KANSL1L: variants seen among roughly 807,000 people sequenced by gnomAD.
KANSL1L encodes the protein KAT8 regulatory NSL complex subunit 1 like.
In KANSL1L, 25 loss-of-function variants were observed where a neutral mutation model predicts 108.6. The ratio of observed to expected loss-of-function variants is 0.23; its 90% CI spans 0.17 to 0.32. The LOEUF is 0.32. KANSL1L is among the 10% of genes least tolerant of loss of function. KANSL1L has a pLI of 1.00. For synonymous variants in KANSL1L, 405 were observed against 395.1 expected, an observed-to-expected ratio of 1.03 and a Z score of -0.30; for missense variants, 1,137 against 1,125.7, an observed-to-expected ratio of 1.01 and a Z score of -0.14.
chr2:210,160,395 C>G (rs1256600932), intron 1 of KANSL1L, among the ~76,000 whole-genome samples: 1 of 152,076 alleles, frequency 6.6e-6, no homozygotes, highest in African/African-American at 2.4e-5. Context: ...GTAAGTAAAA[C>G]TGTCTCTATT....
rs2094628001 is a variant in KANSL1L, at chr2:210,085,429, CT to C, written c.1551-9674del. Among the ~76,000 whole-genome samples the C allele has an allele frequency of 1.3e-5, 2 of 152,012 alleles. 1 individual carries two copies. The highest frequency in any genetic ancestry group is 1.3e-4 in the Admixed American group (2 of 15,252). ...CTCTGGCTCTTAACTTAAAGTGGGACTTTTTAACACATAAAGGCAAAGAGAC... is the reference window on the plus strand; with the variant it reads ...CTCTGGCTCTTAACTTAAAGTGGGACTTTTAACACATAAAGGCAAAGAGAC... On this transcript the variant is annotated intron_variant, in intron 5 of 14. Coordinates refer to ENST00000281772, the MANE Select transcript of KANSL1L (RefSeq NM_152519.4).
intron 7 of KANSL1L, among the ~76,000 whole-genome samples, chr2:210,042,796 A>G (rs1415824182): frequency 6.6e-6 from 1 of 152,180 alleles, no homozygotes; most frequent in Non-Finnish European, 1.5e-5. Context: ...AGTTCTTGTT[A>G]AAAACTTAAA....
intron 2 of KANSL1L, among the ~76,000 whole-genome samples, chr2:210,144,309 A>C (rs1450972318): frequency 6.6e-6 from 1 of 152,170 alleles, no homozygotes; most frequent in African/African-American, 2.4e-5. Flanking sequence ...TGGTTTGAAA[A>C]TGACTGGAGA....
At chr2:210,167,348 A>AAAAGGAATTCTCTTTGAAGACT (rs1489443793) in intron 1 of KANSL1L, among the ~76,000 whole-genome samples, 1 of 151,988 alleles carries the variant, frequency 6.6e-6, no homozygotes, top group Non-Finnish European at 1.5e-5. Context: ...ACTATGCCTA[A>AAAAGGAATTCTCTTTGAAGACT]AAAGGAATTC....
Position 210,079,646 on chromosome 2 carries a change from A to ATGTATGTG in KANSL1L, c.1551-3891_1551-3890insCACATACA, listed in dbSNP as rs1479483880. Among the ~76,000 whole-genome samples the ATGTATGTG allele has an allele frequency of 1.4e-3, 18 of 13,120 alleles. 2 individuals carry two copies. In the South Asian group the frequency reaches 0.019, roughly 14 times the overall value. 8.6% of individuals were successfully genotyped at this position (13,120 alleles called of 152,430 possible). On this transcript the variant is annotated intron_variant, in intron 5 of 14. Transcript: ENST00000281772. ...TATATATATATATATATATATATAT[A>ATGTATGTG]TATATATATATATATATATGTATGT...
chr2:210,159,099 A>G (rs2095348511), intron 1 of KANSL1L, among the ~76,000 whole-genome samples: 1 of 152,240 alleles, frequency 6.6e-6, no homozygotes, highest in African/African-American at 2.4e-5. Context: ...GGTTGCCAGT[A>G]TATTTAAAAT....
chr2:210,029,671 C>G, intron 10 of KANSL1L, 132 bp downstream of exon 10: 1 of 460,462 alleles, frequency 2.2e-6, no homozygotes, highest in Non-Finnish European at 3.8e-6. Flanking sequence ...TGTTTTCTAA[C>G]AAGATAGTTA....
In KANSL1L at chr2:210,022,134, A is replaced by T. The variant is rs2125102718; in HGVS notation, c.*815T>A. 1 of 151,904 alleles carries T rather than the reference A, an allele frequency of 6.6e-6. No individual in the cohort carries two copies. Among genetic ancestry groups the T allele is most frequent in the Non-Finnish European group, 1.5e-5 (1 of 67,936 alleles). The allele number at this position is 151,904 out of a possible 1,614,324, so 9.4% of individuals were successfully genotyped here. ...ATTGAGTTTTCAAAGATGTGATAGT[A>T]TTAAAGTGCACCAATATTTGACTCA... On this transcript the variant is annotated 3_prime_UTR_variant, in exon 15 of 15. Transcript: ENST00000281772.
At chr2:210,032,991 T>C (rs973127222) in intron 8 of KANSL1L, 1 of 152,144 alleles carries the variant, frequency 6.6e-6, no homozygotes, top group Non-Finnish European at 1.5e-5. Flanking sequence ...AAATCATCAC[T>C]AGGCTAAGAA....
intron 2 of KANSL1L, among the ~76,000 whole-genome samples, chr2:210,146,260 C>A (rs2095265029): frequency 6.6e-6 from 1 of 152,172 alleles, no homozygotes; most frequent in Non-Finnish European, 1.5e-5. Context: ...TATGTTGCTA[C>A]AAATTCATAC....
intron 7 of KANSL1L, among the ~76,000 whole-genome samples, chr2:210,040,887 CCTA>C (rs1343613485): frequency 1.1e-4 from 16 of 152,030 alleles, no homozygotes; most frequent in Admixed American, 1.0e-3. Context: ...TTTAAGAAAA[CCTA>C]CACCCAAATC....
chr2:210,057,082 T>C (rs977227647), intron 6 of KANSL1L, among the ~76,000 whole-genome samples: 2 of 152,170 alleles, frequency 1.3e-5, no homozygotes, highest in Admixed American at 6.6e-5. Context: ...CTTTGTCCTA[T>C]AGAATGCAGT....
intron 4 of KANSL1L, among the ~76,000 whole-genome samples, chr2:210,100,740 T>C (rs577406264): frequency 6.6e-6 from 1 of 152,270 alleles, no homozygotes; most frequent in African/African-American, 2.4e-5. Flanking sequence ...TGGGCTCAAG[T>C]GATCCTTCCA....
chr2:210,034,608 G>C (rs140170463), intron 8 of KANSL1L, among the ~76,000 whole-genome samples: 1 of 152,308 alleles, frequency 6.6e-6, no homozygotes, highest in East Asian at 1.9e-4. Context: ...TGCCTACAGT[G>C]ATTAAAGGGA....
At chr2:210,169,798 A>G (rs1401523473) in intron 1 of KANSL1L, among the ~76,000 whole-genome samples, 1 of 152,230 alleles carries the variant, frequency 6.6e-6, no homozygotes, top group Non-Finnish European at 1.5e-5. Context: ...AGATACTCAA[A>G]TATATTCTAT....
At position 210,079,666 on chromosome 2, in the gene KANSL1L, GTA is replaced by G. The variant is rs1318393057; in HGVS notation, c.1551-3912_1551-3911del. Reference sequence around the variant, plus strand: ...TATATATATATATATATATATATATGTATGTGTGTATATATATATATATATGT... The same window carrying G: ...TATATATATATATATATATATATATGTGTGTGTATATATATATATATATGT... On this transcript the variant is annotated intron_variant, in intron 5 of 14. Transcript: ENST00000281772. 57 of 18,370 alleles carry G rather than the reference GTA, an allele frequency of 3.1e-3. 1 individual carries two copies. The highest frequency in any genetic ancestry group is 6.8e-3 in the South Asian group (3 of 438). The allele number at this position is 18,370 out of a possible 1,614,324, so 1.1% of individuals were successfully genotyped here. A position where few individuals can be genotyped will look rare whatever the true frequency, so the allele number is the denominator to read the frequency against.
chr2:210,108,738 A>C (rs1157285275), intron 3 of KANSL1L, among the ~76,000 whole-genome samples: 3 of 152,220 alleles, frequency 2.0e-5, no homozygotes, highest in Non-Finnish European at 2.9e-5. Flanking sequence ...AACAGTGAAC[A>C]ATGAGAAAAA....
intron 1 of KANSL1L, among the ~76,000 whole-genome samples, chr2:210,163,097 T>A (rs1025194328): frequency 1.3e-5 from 2 of 152,142 alleles, no homozygotes; most frequent in African/African-American, 2.4e-5. Context: ...CACATCATGT[T>A]CAGCTTTCAA....
At chr2:210,050,745 T>C (rs1369496131) in intron 6 of KANSL1L, among the ~76,000 whole-genome samples, 7 of 151,472 alleles carry the variant, frequency 4.6e-5, no homozygotes, top group Non-Finnish European at 1.0e-4. Flanking sequence ...CACACCTATA[T>C]TCCCAGGTAC....
Sources: gnomAD v4.1 joint callset for allele counts (sites outside exome capture counted in the v4.1 genomes callset) on GRCh38, gnomAD v4.1.1 for gene constraint, MANE v1.5 for transcripts, NCBI Gene and HGNC (gene_info 2026-07-23, HGNC 2026-07-21) for gene names.